The following RYR1 variants were observed in gnomAD, a reference collection of about 807,000 sequenced individuals.
RYR1 encodes the protein central core disease of muscle.
RYR1 carries 342 observed loss-of-function variants against 583.5 expected under a neutral mutation model. The ratio of observed to expected loss-of-function variants is 0.59; its 90% CI spans 0.54 to 0.64. The LOEUF (loss-of-function observed/expected upper bound fraction) is 0.64, where lower values mean the gene tolerates loss of function less well. RYR1 is among the 30% of genes least tolerant of loss of function. The probability of loss-of-function intolerance (pLI) is 0.00; values close to 1 mark genes in which losing one functional copy is unlikely to be tolerated. For synonymous variants in RYR1, 2,791 were observed against 2,822.5 expected (o/e 0.99, Z 0.35); for missense variants, 6,032 against 6,917.2 (o/e 0.87, Z 4.54).
At chr19:38,511,415 C>T (rs1970718794) in intron 60 of RYR1, 146 bp from the exon 61 acceptor site, 1 of 813,318 alleles carries the variant, frequency 1.2e-6, no homozygotes, top group East Asian at 2.5e-5. Context: ...CCCATCCCTC[C>T]TGTCTCCATC....
In RYR1 at chr19:38,494,385, T is replaced by C; in HGVS notation, c.6308T>C (p.Val2103Ala). 6.2e-7 allele frequency: 1 copy of C among 1,611,690 alleles called. No individual in the cohort carries two copies. The highest frequency in any genetic ancestry group is 1.1e-5 in the South Asian group (1 of 90,998). The change falls in exon 39 of 106, where the codon GTG (valine) becomes GCG (alanine). Residue 2103 changes from valine (V) to alanine (A), a missense_variant. This residue lies in a region of RYR1 where 2,627 missense variants were observed against 2,961.3 expected (regional missense o/e 0.89). Transcript: ENST00000359596. Reference protein sequence around the residue: ...SLQELVSHMVVRWAQEDFVQS... With the variant: ...SLQELVSHMVARWAQEDFVQS... ...CAGGAGCTGGTGTCCCACATGGTGG[T>C]GCGCTGGGCCCAAGAGGACTTCGTG...
rs1429968927 is a variant in RYR1 at position 38,433,826 on chromosome 19, C to T, written c.-4C>T. On this transcript the variant is annotated 5_prime_UTR_variant, in exon 1 of 106. Transcript: ENST00000359596. ...TCAGACCCTGGGCTTCCGACCTCGA[C>T]ATCATGGGTGACGCAGAAGGCGAAG... 3 of 1,611,640 alleles carry T rather than the reference C, an allele frequency of 1.9e-6. No homozygotes were observed. Among genetic ancestry groups the T allele is most frequent in the South Asian group, 1.1e-5 (1 of 91,016 alleles).
At chr19:38,462,779 T>C (rs1352538623) in intron 20 of RYR1, among the ~76,000 whole-genome samples, 1 of 152,010 alleles carries the variant, frequency 6.6e-6, no homozygotes, top group Non-Finnish European at 1.5e-5. Flanking sequence ...CTGGGCTGGA[T>C]AGGGCTGGGG....
rs766150328 is a variant in RYR1 at position 38,458,056 on chromosome 19, G to A, written c.1931G>A (p.Arg644His). 28 of 1,613,200 alleles carry A rather than the reference G, an allele frequency of 1.7e-5. No homozygotes were observed. Among genetic ancestry groups the A allele is most frequent in the Admixed American group, 5.0e-5 (3 of 59,960 alleles). ...TNLINYVTSIRPNIFVGRAEG... is the reference protein window; with the variant it reads ...TNLINYVTSIHPNIFVGRAEG... ...CTGTCCCATCTCTCCTGCAGCATCC[G>A]CCCCAACATCTTTGTGGGCCGAGCG... Residue 644 changes from arginine (R) to histidine (H), a missense_variant, in exon 18 of 106, where the codon CGC (arginine) becomes CAC (histidine). Arg to His is a conservative substitution (Grantham distance 29, BLOSUM62 0). This residue lies in a region of RYR1 where 2,627 missense variants were observed against 2,961.3 expected (regional missense o/e 0.89). Coordinates refer to ENST00000359596, the MANE Select transcript of RYR1 (RefSeq NM_000540.3).
At chr19:38,475,535 A>C (rs1348768796) in intron 29 of RYR1, 85 bp downstream of exon 29, 2 of 1,545,916 alleles carry the variant, frequency 1.3e-6, no homozygotes, top group African/African-American at 2.7e-5. Context: ...GACAGTCCCC[A>C]GTAGCTGCCC....
chr19:38,489,130 T>C (rs749315821), intron 34 of RYR1, 47 bp from the exon 35 acceptor site: 1 of 1,541,378 alleles, frequency 6.5e-7, no homozygotes, highest in Non-Finnish European at 9.0e-7. Context: ...GGCCTGATGA[T>C]GGAGGCCTTG....
At chr19:38,469,658 G>A (rs1183644222) in intron 27 of RYR1, 145 bp downstream of exon 27, 5 of 894,114 alleles carry the variant, frequency 5.6e-6, no homozygotes, top group Non-Finnish European at 8.9e-6. Flanking sequence ...CTCACGGGCT[G>A]TATGACTCCG....
chr19:38,547,035 CT>C (rs34666293), intron 88 of RYR1, among the ~76,000 whole-genome samples: 92,830 of 138,894 alleles, frequency 0.67, 30,525 homozygotes, highest in Middle Eastern at 0.78. Context: ...ATTAGGATCC[CT>C]TTTTTTTTTT....
chr19:38,586,012 G>A lies in RYR1; in HGVS notation c.14868+10G>A. On this transcript the variant is annotated intron_variant, in intron 103 of 105. Coordinates refer to ENST00000359596, the MANE Select transcript of RYR1 (RefSeq NM_000540.3). Reference sequence around the variant, plus strand: ...GAAGGAGGATATGGAGGTAGGTCATGTCTGGGGGTGACCCAGAGGGATTAC... The same window carrying A: ...GAAGGAGGATATGGAGGTAGGTCATATCTGGGGGTGACCCAGAGGGATTAC... 1 of 1,614,148 alleles carries A rather than the reference G, an allele frequency of 6.2e-7. No individual in the cohort carries two copies. The highest frequency in any genetic ancestry group is 1.1e-5 in the South Asian group (1 of 91,086).
Position 38,506,462 on chromosome 19 carries a change from C to T in RYR1, c.8617-9C>T, listed in dbSNP as rs1301726045. 5.0e-6 allele frequency: 8 copies of T among 1,614,072 alleles called. No homozygotes were observed. In the African/African-American group the frequency reaches 6.7e-5, roughly 13 times the overall value. ...TGAATCTAGCCCTTGACTCTGCATC[C>T]ACTCCCAGGCCATGGCAGAACAACT... On this transcript the variant is annotated splice_polypyrimidine_tract_variant and intron_variant, in intron 55 of 105. Coordinates refer to ENST00000359596, the MANE Select transcript of RYR1 (RefSeq NM_000540.3).
intron 92 of RYR1, 92 bp from the exon 93 acceptor site, chr19:38,567,681 C>G: frequency 1.3e-6 from 2 of 1,596,380 alleles, no homozygotes; most frequent in Non-Finnish European, 1.7e-6. Context: ...GGGCCAGGCA[C>G]AGGGCGGGCC....
In RYR1 at chr19:38,528,810, C is replaced by A. The variant is rs546026963; in HGVS notation, c.11034+115C>A. 7 of 1,430,900 alleles carry A rather than the reference C, an allele frequency of 4.9e-6. No individual in the cohort carries two copies. The Admixed American group carries it at 7.3e-5, about 15-fold the overall frequency. The allele number at this position is 1,430,900 out of a possible 1,614,324, so 88.6% of individuals were successfully genotyped here. Reference sequence around the variant, plus strand: ...TCCACATCAAGGGGTATAGAAATGCCAGCTCCTGGCTTGAGTAGAACCAAA... The same window carrying A: ...TCCACATCAAGGGGTATAGAAATGCAAGCTCCTGGCTTGAGTAGAACCAAA... On this transcript the variant is annotated intron_variant, in intron 75 of 105. Transcript: ENST00000359596.
intron 89 of RYR1, among the ~76,000 whole-genome samples, chr19:38,555,446 CA>C (rs56911809): frequency 0.19 from 15,643 of 83,498 alleles, 1,298 homozygotes; most frequent in African/African-American, 0.33. Context: ...GACCCTGCCT[CA>C]AAAAAAAAAA....
At position 38,460,409 on chromosome 19, in the gene RYR1, T is replaced by C; in HGVS notation, c.2395T>C (p.Phe799Leu). The stretch of plus-strand genomic sequence containing the variant: ...CCTCCTTGGTGGCCGCCATGGTGAA[T>C]TCAAGTTCCTGCCCCCACCTGGCTA... ...RFLLGGRHGE[F>L]KFLPPPGYAP... Residue 799 changes from phenylalanine to leucine, a missense_variant, in exon 20 of 106, where the codon TTC becomes CTC. Coordinates refer to ENST00000359596, the MANE Select transcript of RYR1 (RefSeq NM_000540.3). The C allele has an allele frequency of 6.2e-7, 1 of 1,614,138 alleles. No homozygotes were observed. Among genetic ancestry groups the C allele is most frequent in the Non-Finnish European group, 8.5e-7 (1 of 1,180,024 alleles).
At chr19:38,477,905 T>TGGGGAGGGGG in intron 30 of RYR1, 35 bp downstream of exon 30, 1 of 604,506 alleles carries the variant, frequency 1.7e-6, no homozygotes, top group Non-Finnish European at 2.8e-6. Flanking sequence ...AGGTGCAGGG[T>TGGGGAGGGGG]GGGGAGGGCA....
Position 38,485,886 on chromosome 19 carries a change from T to C in RYR1, c.5231T>C (p.Ile1744Thr). 6.2e-7 allele frequency: 1 copy of C among 1,613,656 alleles called. No individual in the cohort carries two copies. Among genetic ancestry groups the C allele is most frequent in the Non-Finnish European group, 8.5e-7 (1 of 1,179,920 alleles). ...CCCCTCACGCCTGAGACCCGCGCCA[T>C]CACGCTCTTCCCTCCTGGAAGGAGC... ...IVPLTPETRA[I>T]TLFPPGRSTE... The change falls in exon 34 of 106, where the codon ATC (isoleucine) becomes ACC (threonine). Residue 1744 changes from isoleucine (I) to threonine (T), a missense_variant. Physicochemically the swap from Ile to Thr is moderately conservative, Grantham distance 89. This residue lies in a region of RYR1 where 2,627 missense variants were observed against 2,961.3 expected (regional missense o/e 0.89). Transcript: ENST00000359596.
At chr19:38,552,142 G>A (rs750337426) in intron 89 of RYR1, among the ~76,000 whole-genome samples, 9 of 151,568 alleles carry the variant, frequency 5.9e-5, no homozygotes, top group Non-Finnish European at 1.2e-4. Context: ...TTTTAGAGAC[G>A]GGGTTTGACA....
rs1467742744 is a variant in RYR1, at chr19:38,585,012, G to A, written c.14716G>A (p.Ala4906Thr). Residue 4906 changes from alanine to threonine, a missense_variant, in exon 102 of 106, where the codon GCG becomes ACG. Ala to Thr is a moderately conservative substitution (Grantham distance 58, BLOSUM62 0). This residue lies in a region of RYR1 where 189 missense variants were observed against 350.3 expected (regional missense o/e 0.54). Transcript: ENST00000359596. ...GGIGDEIEDPAGDEYELYRVV... is the reference protein window; with the variant it reads ...GGIGDEIEDPTGDEYELYRVV... ...CATTGGGGACGAGATCGAGGACCCC[G>A]CGGGTGACGAATACGAGCTCTACAG... The A allele has an allele frequency of 3.1e-6, 5 of 1,613,986 alleles. No individual in the cohort carries two copies. The highest frequency in any genetic ancestry group is 1.7e-5 in the Admixed American group (1 of 59,970).
intron 76 of RYR1, among the ~76,000 whole-genome samples, chr19:38,531,881 G>A (rs559852449): frequency 3.3e-5 from 5 of 152,288 alleles, no homozygotes; most frequent in Admixed American, 1.3e-4. Flanking sequence ...CTCCAGCTTG[G>A]CCAACAGAGC....
Sources: gnomAD v4.1 joint callset for allele counts (sites outside exome capture counted in the v4.1 genomes callset) on GRCh38, gnomAD v4.1.1 for gene constraint, gnomAD v4.1.1 regional missense constraint, MANE v1.5 for transcripts, NCBI Gene and HGNC (gene_info 2026-07-23, HGNC 2026-07-21) for gene names.